SPCS2: variants seen among roughly 807,000 people sequenced by gnomAD.
SPCS2 encodes the protein SPase 25 kDa subunit.
SPCS2 carries 3 observed loss-of-function variants against 22.3 expected under a neutral mutation model. That is an observed-to-expected ratio of 0.13 (90% CI 0.06 to 0.35). The LOEUF (loss-of-function observed/expected upper bound fraction) is 0.35. SPCS2 is among the 10% of genes least tolerant of loss of function. The pLI is 1.00. For synonymous variants in SPCS2, 67 were observed against 97.2 expected, an observed-to-expected ratio of 0.69 and a Z score of 1.83; for missense variants, 169 against 280.9, an observed-to-expected ratio of 0.60 and a Z score of 2.85.
rs1948292779 is a variant in SPCS2 at position 74,949,416 on chromosome 11, T to G, written c.114+17T>G. On this transcript the variant is annotated intron_variant, in intron 1 of 4. Coordinates refer to ENST00000263672, the MANE Select transcript of SPCS2 (RefSeq NM_014752.3). ...TTGGATAAGGTGAGGAGCCGGTTCT[T>G]GGGAACAGTTGAATCCTGGGGAGGC... 4 of 1,548,026 alleles carry G rather than the reference T, an allele frequency of 2.6e-6. No individual in the cohort carries two copies. The South Asian group carries it at 3.6e-5, about 14-fold the overall frequency.
intron 1 of SPCS2, among the ~76,000 whole-genome samples, chr11:74,960,886 C>G (rs1948509873): frequency 6.6e-6 from 1 of 152,200 alleles, no homozygotes; most frequent in Non-Finnish European, 1.5e-5. Flanking sequence ...ATTATACCTT[C>G]TGTCTGCCCT....
At position 74,978,990 on chromosome 11, in the gene SPCS2, T is replaced by A. The variant is rs1948630546; in HGVS notation, c.*1947T>A. The A allele has an allele frequency of 6.6e-6, 1 of 152,192 alleles. No homozygotes were observed. Among genetic ancestry groups the A allele is most frequent in the African/African-American group, 2.4e-5 (1 of 41,452 alleles). 9.4% of individuals were successfully genotyped at this position (152,192 alleles called of 1,614,324 possible). A position where few individuals can be genotyped will look rare whatever the true frequency, so the allele number is the denominator to read the frequency against. ...ATATATCTTAGGCATTTTCCCTGTG[T>A]GTGTGTATAATGCAGCTATTAAAAA... is the stretch of plus-strand genomic sequence containing the variant. On this transcript the variant is annotated 3_prime_UTR_variant, in exon 5 of 5. Coordinates refer to ENST00000263672, the MANE Select transcript of SPCS2 (RefSeq NM_014752.3).
intron 3 of SPCS2, among the ~76,000 whole-genome samples, chr11:74,967,895 C>T (rs905396684): frequency 2.6e-5 from 4 of 152,226 alleles, no homozygotes; most frequent in African/African-American, 9.6e-5. Context: ...GATCATGCCA[C>T]TGTACTCTAG....
chr11:74,967,344 C>G (rs1948552584), intron 3 of SPCS2, among the ~76,000 whole-genome samples: 1 of 152,070 alleles, frequency 6.6e-6, no homozygotes, highest in African/African-American at 2.4e-5. Context: ...ATCTGGCCTC[C>G]CAAGAGAACT....
rs547663635 is a variant in SPCS2, at chr11:74,972,898, T to A, written c.494+3199T>A. Reference sequence around the variant, plus strand: ...ATGTTTTATATATATATATATATTTTTTTTTTTCCTGCATACTTAGGCAAT... The same window carrying A: ...ATGTTTTATATATATATATATATTTATTTTTTTCCTGCATACTTAGGCAAT... On this transcript the variant is annotated intron_variant, in intron 4 of 4. Coordinates refer to ENST00000263672, the MANE Select transcript of SPCS2 (RefSeq NM_014752.3). 5.0e-3 allele frequency among the ~76,000 whole-genome samples: 755 copies of A among 150,268 alleles called. 9 individuals carry two copies. Among genetic ancestry groups the A allele is most frequent in the African/African-American group, 0.016 (661 of 41,062 alleles).
At chr11:74,964,592 T>C (rs971514195) in intron 1 of SPCS2, among the ~76,000 whole-genome samples, 1 of 152,254 alleles carries the variant, frequency 6.6e-6, no homozygotes, top group African/African-American at 2.4e-5. Flanking sequence ...TTCTGAGTTT[T>C]GTGGTCACAG....
chr11:74,969,829 A>G (rs1479567699), intron 4 of SPCS2, 130 bp downstream of exon 4: 10 of 1,092,090 alleles, frequency 9.2e-6, no homozygotes, highest in Admixed American at 2.0e-5. Flanking sequence ...AAATGAAGAA[A>G]GGAGTATGGA....
chr11:74,950,940 A>G (rs1948428572), intron 1 of SPCS2, among the ~76,000 whole-genome samples: 1 of 152,218 alleles, frequency 6.6e-6, no homozygotes, highest in African/African-American at 2.4e-5. Context: ...ATTGATGGTC[A>G]TTTGTGTACA....
At chr11:74,969,813 CAT>C in intron 4 of SPCS2, 114 bp downstream of exon 4, 1 of 1,247,256 alleles carries the variant, frequency 8.0e-7, no homozygotes, top group South Asian at 1.3e-5. Context: ...TAGGGCTAGT[CAT>C]ATAAAATGAA....
chr11:74,962,208 T>A (rs1261602789), intron 1 of SPCS2, among the ~76,000 whole-genome samples: 1 of 152,222 alleles, frequency 6.6e-6, no homozygotes, highest in Admixed American at 6.5e-5. Flanking sequence ...GAACTTTTTC[T>A]AGATTTCCAG....
rs571604282 is a variant in SPCS2, at chr11:74,971,617, A to G, written c.494+1918A>G. Among the ~76,000 whole-genome samples, 65 of 152,282 alleles carry G rather than the reference A, an allele frequency of 4.3e-4. No homozygotes were observed. In the South Asian group the frequency reaches 0.013, roughly 32 times the overall value. ...ACCTCACCGACTGATTTAGTAGCTT[A>G]ACAGTGGCTGATTCTGATGTCTTAT... On this transcript the variant is annotated intron_variant, in intron 4 of 4. Transcript: ENST00000263672.
chr11:74,969,532 G>A, intron 3 of SPCS2, 33 bp from the exon 4 acceptor site: 1 of 1,602,046 alleles, frequency 6.2e-7, no homozygotes, highest in Non-Finnish European at 8.5e-7. Context: ...TCTCTTTTAT[G>A]TTTGGGTATT....
intron 1 of SPCS2, 112 bp downstream of exon 1, chr11:74,949,511 T>TA: frequency 1.1e-6 from 1 of 940,302 alleles, no homozygotes; most frequent in South Asian, 1.4e-5. Context: ...AGGGGAGCCC[T>TA]TGTGTGACCA....
intron 1 of SPCS2, chr11:74,949,799 C>T: frequency 2.7e-6 from 1 of 373,382 alleles, no homozygotes; most frequent in Non-Finnish European, 5.3e-6. Flanking sequence ...ACCACCATCA[C>T]CCTTGCGTGC....
intron 1 of SPCS2, among the ~76,000 whole-genome samples, chr11:74,951,064 C>T (rs907989389): frequency 4.0e-4 from 61 of 152,194 alleles, no homozygotes; most frequent in African/African-American, 1.4e-3. Flanking sequence ...TAAGTATGGG[C>T]ATTCTGCTAA....
intron 1 of SPCS2, among the ~76,000 whole-genome samples, chr11:74,951,415 G>C (rs892261426): frequency 6.6e-6 from 1 of 152,134 alleles, no homozygotes; most frequent in Non-Finnish European, 1.5e-5. Flanking sequence ...TGGGGTAATT[G>C]AATCTATTTA....
At chr11:74,958,921 TA>T (rs879553603) in intron 1 of SPCS2, among the ~76,000 whole-genome samples, 17 of 148,510 alleles carry the variant, frequency 1.1e-4, no homozygotes, top group South Asian at 2.1e-4. Context: ...TAAAATGACT[TA>T]AAAAAAAAAC....
intron 2 of SPCS2, 199 bp downstream of exon 2, chr11:74,965,316 A>G (rs547854748): frequency 4.3e-6 from 2 of 464,456 alleles, no homozygotes; most frequent in East Asian, 3.6e-5. Flanking sequence ...ATGTATACAT[A>G]TGTAACAAAC....
intron 1 of SPCS2, among the ~76,000 whole-genome samples, chr11:74,953,634 G>A (rs1322621105): frequency 6.6e-6 from 1 of 152,176 alleles, no homozygotes; most frequent in African/African-American, 2.4e-5. Flanking sequence ...AAGCAGATGT[G>A]AATTTCTACT....
Sources: allele counts gnomAD v4.1 joint callset (sites outside exome capture counted in the v4.1 genomes callset), GRCh38; gene constraint gnomAD v4.1.1; transcripts MANE v1.5; gene names NCBI Gene and HGNC (gene_info 2026-07-23, HGNC 2026-07-21).